Variants in DOCK7 observed in about 807,000 individuals in gnomAD.
DOCK7 encodes the protein dedicator of cytokinesis protein 7.
In DOCK7, 138 loss-of-function variants were observed where a neutral mutation model predicts 271.0. The ratio of observed to expected loss-of-function variants is 0.51; its 90% CI spans 0.44 to 0.59. DOCK7 has a LOEUF of 0.59. DOCK7 is among the 20% of genes least tolerant of loss of function. DOCK7 has a pLI of 0.00. For synonymous variants in DOCK7, 823 were observed against 876.1 expected (o/e 0.94, Z 1.07); for missense variants, 2,066 against 2,592.4 (o/e 0.80, Z 4.41).
At chr1:62,489,094 GCTTT>G (rs778892057) in intron 41 of DOCK7, 29 bp from the exon 42 acceptor site, 23 of 1,534,754 alleles carry the variant, frequency 1.5e-5, no homozygotes, top group African/African-American at 2.8e-5. Context: ...TTAAGATGTT[GCTTT>G]CTTTTACATC....
At chr1:62,613,731 TCC>T (rs1182550723) in intron 14 of DOCK7, among the ~76,000 whole-genome samples, 1 of 152,102 alleles carries the variant, frequency 6.6e-6, no homozygotes, top group East Asian at 1.9e-4. Context: ...GTCCATTCAT[TCC>T]CCCTATATTC....
At chr1:62,566,154 T>TCC (rs1646507906) in intron 18 of DOCK7, among the ~76,000 whole-genome samples, 1 of 152,090 alleles carries the variant, frequency 6.6e-6, no homozygotes, top group Admixed American at 6.6e-5. Context: ...TTCAATGCCA[T>TCC]CCCCATCAAG....
intron 1 of DOCK7, among the ~76,000 whole-genome samples, chr1:62,679,053 A>G (rs866144654): frequency 6.6e-6 from 1 of 152,142 alleles, no homozygotes; most frequent in South Asian, 2.1e-4. Flanking sequence ...TAATTTTTTT[A>G]ATCTACAATA....
chr1:62,517,891 AG>A (rs2149348837), intron 31 of DOCK7, among the ~76,000 whole-genome samples: 1 of 152,334 alleles, frequency 6.6e-6, no homozygotes, highest in East Asian at 1.9e-4. Flanking sequence ...AGTGACGTAA[AG>A]GAACATTCAT....
chr1:62,674,729 T>G lies in DOCK7; in HGVS notation c.39-11599A>C, dbSNP rs138772515. 1.8e-4 allele frequency among the ~76,000 whole-genome samples: 28 copies of G among 152,294 alleles called. No homozygotes were observed. In the East Asian group the frequency reaches 5.0e-3, roughly 27 times the overall value. ...TGGACAAAAGTATTCTTTTCAACAG[T>G]GTTGCAACAATTGAACACCCACACA... On this transcript the variant is annotated intron_variant, in intron 1 of 49. Transcript: ENST00000635253.
rs138933939 is a variant in DOCK7, at chr1:62,496,362, T to C, written c.4900A>G (p.Arg1634Gly). The C allele has an allele frequency of 6.2e-7, 1 of 1,613,170 alleles. No individual in the cohort carries two copies. The highest frequency in any genetic ancestry group is 1.3e-5 in the African/African-American group (1 of 74,880). Residue 1634 changes from arginine to glycine, a missense_variant, in exon 38 of 50, where the codon AGG becomes GGG. By Grantham distance (125) the Arg-to-Gly change is moderately radical. Around this residue, in one of 2 missense-constraint regions of DOCK7, gnomAD observed 652 missense variants for 922.1 expected, o/e 0.71. Transcript: ENST00000635253. ...ACCTGATCAGGAAATGTTGTTTCCC[T>C]CAATTCCAGATCTTCTTCAGCATAT... ...LTYAEEDLELRETTFPDQVQD... is the reference protein window; with the variant it reads ...LTYAEEDLELGETTFPDQVQD...
intron 42 of DOCK7, chr1:62,488,720 G>T (rs1646369178): frequency 5.2e-6 from 3 of 578,466 alleles, no homozygotes; most frequent in Non-Finnish European, 9.1e-6. Flanking sequence ...AAGCTATGCA[G>T]AAAGTTTATG....
rs762614201 is a variant in DOCK7, at chr1:62,601,154, C to T, written c.1683-14530G>A. ...CAAGCCAAGAGCACCAAGAACTACT[C>T]CCTTTCTTCAGTTGAATGAAATAAG... is the stretch of plus-strand genomic sequence containing the variant. On this transcript the variant is annotated intron_variant, in intron 14 of 49. Transcript: ENST00000635253. 7 of 1,610,656 alleles carry T rather than the reference C, an allele frequency of 4.3e-6. No individual in the cohort carries two copies. Among genetic ancestry groups the T allele is most frequent in the Non-Finnish European group, 1.7e-6 (2 of 1,177,582 alleles).
chr1:62,605,804 T>C (rs1349878930), intron 14 of DOCK7: 1 of 152,160 alleles, frequency 6.6e-6, no homozygotes, highest in African/African-American at 2.4e-5. Flanking sequence ...ATTTAAATTA[T>C]TCTTGCATGT....
intron 1 of DOCK7, 25 bp downstream of exon 1, chr1:62,688,202 G>A: frequency 2.2e-6 from 3 of 1,368,632 alleles, no homozygotes; most frequent in East Asian, 3.3e-5. Context: ...CGGCGGCGGC[G>A]GCGCGCCCCA....
Position 62,513,262 on chromosome 1 carries a change from G to GT in DOCK7, c.4282+181_4282+182insA, listed in dbSNP as rs1421198411. Among the ~76,000 whole-genome samples, 2 of 97,272 alleles carry GT rather than the reference G, an allele frequency of 2.1e-5. 1 individual carries two copies. Among genetic ancestry groups the GT allele is most frequent in the African/African-American group, 6.6e-5 (2 of 30,242 alleles). 63.8% of individuals were successfully genotyped at this position (97,272 alleles called of 152,430 possible). A position where few individuals can be genotyped will look rare whatever the true frequency, so the allele number is the denominator to read the frequency against. ...GACTTTCTAGAGAAAACGGGGGGGG[G>GT]GGGGCGGTATGCTGACTCACCTAAA... On this transcript the variant is annotated intron_variant, in intron 33 of 49. Transcript: ENST00000635253.
At chr1:62,504,548 C>A (rs1174539457) in intron 37 of DOCK7, 82 bp downstream of exon 37, 2 of 1,414,944 alleles carry the variant, frequency 1.4e-6, no homozygotes, top group South Asian at 2.8e-5. Flanking sequence ...ACTCCATGCT[C>A]TCCCAAAAAC....
intron 31 of DOCK7, 85 bp from the exon 32 acceptor site, chr1:62,513,983 C>T: frequency 8.1e-7 from 1 of 1,241,736 alleles, no homozygotes; most frequent in South Asian, 1.6e-5. Context: ...CTTCTAAAAA[C>T]AATAAAACAA....
chr1:62,563,003 G>A (rs1022963768), intron 18 of DOCK7, among the ~76,000 whole-genome samples: 1 of 152,074 alleles, frequency 6.6e-6, no homozygotes, highest in African/African-American at 2.4e-5. Flanking sequence ...TGCTATCAAA[G>A]AAGACAGAGT....
chr1:62,562,886 C>T (rs1298340044), intron 18 of DOCK7, among the ~76,000 whole-genome samples: 2 of 152,164 alleles, frequency 1.3e-5, no homozygotes, highest in Admixed American at 1.3e-4. Flanking sequence ...GGAACAAATC[C>T]TGGCCCCACT....
chr1:62,491,998 G>A (rs1646480765), intron 41 of DOCK7, among the ~76,000 whole-genome samples: 1 of 152,038 alleles, frequency 6.6e-6, no homozygotes. Context: ...ATAACTTGAG[G>A]TCAGGAGTTT....
chr1:62,633,513 T>C lies in DOCK7; in HGVS notation c.1101A>G (p.Glu367=). The C allele has an allele frequency of 6.2e-7, 1 of 1,612,596 alleles. No homozygotes were observed. Among genetic ancestry groups the C allele is most frequent in the African/African-American group, 1.3e-5 (1 of 75,016 alleles). ...AACATTCTACCTTGGTGGCATCTGC[T>C]TCTTTGAAAATCATATATGGTTCTG... ...ECAEPYMIFK[E]ADATKNKEKL... Residue 367 remains glutamate, a synonymous_variant, in exon 10 of 50, where the codon GAA becomes GAG. Coordinates refer to ENST00000635253, the MANE Select transcript of DOCK7 (RefSeq NM_001367561.1).
At chr1:62,597,902 G>C (rs1426889742) in intron 14 of DOCK7, 1 of 1,566,292 alleles carries the variant, frequency 6.4e-7, no homozygotes, top group African/African-American at 1.4e-5. Flanking sequence ...AAAATGAAGA[G>C]GTAAAGAATA....
chr1:62,688,278 ACGGCGACGGCGGCGGCGGCTG>A lies in DOCK7; in HGVS notation c.-35_-15del, dbSNP rs919779736. The A allele has an allele frequency of 6.0e-5, 77 of 1,275,116 alleles. No individual in the cohort carries two copies. Among genetic ancestry groups the A allele is most frequent in the Admixed American group, 1.5e-4 (4 of 26,520 alleles). The allele number at this position is 1,275,116 out of a possible 1,614,324, so 79.0% of individuals were successfully genotyped here. A position where few individuals can be genotyped will look rare whatever the true frequency, so the allele number is the denominator to read the frequency against. On this transcript the variant is annotated 5_prime_UTR_variant, in exon 1 of 50. Transcript: ENST00000635253. ...GCGCTCGGCCATGGCTGCTGCGGCG[ACGGCGACGGCGGCGGCGGCTG>A]CGGCGGGCCGGGTGCGGACCGGCGG...
Sources: gnomAD v4.1 joint callset for allele counts (sites outside exome capture counted in the v4.1 genomes callset) on GRCh38, gnomAD v4.1.1 for gene constraint, gnomAD v4.1.1 regional missense constraint, MANE v1.5 for transcripts, NCBI Gene and HGNC (gene_info 2026-07-23, HGNC 2026-07-21) for gene names.